The following C3orf20 variants were observed in gnomAD, a reference collection of about 807,000 sequenced individuals.
C3orf20 encodes the protein uncharacterized protein C3orf20.
Under a neutral mutation model 88.3 loss-of-function variants are expected in C3orf20, and 76 were observed. The ratio of observed to expected loss-of-function variants is 0.86; its 90% CI spans 0.72 to 1.04. C3orf20 has a LOEUF of 1.04. C3orf20 is among the 50% of genes least tolerant of loss of function. The pLI is 0.00. For missense variants in C3orf20, 1,056 were observed against 1,123.3 expected, an observed-to-expected ratio of 0.94 and a Z score of 0.86; for synonymous variants, 436 against 437.4, an observed-to-expected ratio of 1.00 and a Z score of 0.04.
rs76393242 is a variant in C3orf20 at position 14,772,647 on chromosome 3, C to T, written c.2631-144C>T. ...CATGTAGAAAGGTCGCAGGTGCCAC[C>T]GGGGCCCTCTGGTTGGAACAGCACC... is the stretch of plus-strand genomic sequence containing the variant. On this transcript the variant is annotated intron_variant, in intron 16 of 16. Transcript: ENST00000253697. This position sits in a 1 kb window ranked among gnomAD's most constrained non-coding sequence, Gnocchi z 4.2. The T allele has an allele frequency of 1.1e-3, 725 of 639,828 alleles. 6 individuals carry two copies. The African/African-American group carries it at 0.012, about 11-fold the overall frequency. The allele number at this position is 639,828 out of a possible 1,614,324, so 39.6% of individuals were successfully genotyped here.
rs1429363608 is a variant in C3orf20, at chr3:14,721,684, G to A, written c.1466G>A (p.Gly489Glu). 2 of 1,614,032 alleles carry A rather than the reference G, an allele frequency of 1.2e-6. No individual in the cohort carries two copies. The highest frequency in any genetic ancestry group is 1.7e-5 in the Admixed American group (1 of 60,012). ...VNEEMKLKVLGQDSITVTFTS... is the reference protein window; with the variant it reads ...VNEEMKLKVLEQDSITVTFTS... ...GAGGAAATGAAACTAAAGGTACTGG[G>A]ACAGGACTCCATCACAGTCACCTTC... is the stretch of plus-strand genomic sequence containing the variant. The change falls in exon 10 of 17, where the codon GGA becomes GAA. Residue 489 changes from glycine (G) to glutamate (E), a missense_variant. Transcript: ENST00000253697.
In C3orf20 at chr3:14,721,752, A is replaced by G. The variant is rs2034171346; in HGVS notation, c.1534A>G (p.Asn512Asp). 2 of 1,614,202 alleles carry G rather than the reference A, an allele frequency of 1.2e-6. No individual in the cohort carries two copies. Among genetic ancestry groups the G allele is most frequent in the Non-Finnish European group, 1.7e-6 (2 of 1,180,028 alleles). ...ETVTLTVSAN[N>D]CPHGMAYDKR... is the part of the protein sequence containing the mutation. ...AGTAACACTCACTGTGTCGGCCAAC[A>G]ATTGTCCCCATGGAATGGCATATGA... Residue 512 changes from asparagine to aspartate, a missense_variant, in exon 10 of 17, where the codon AAT becomes GAT. By Grantham distance (23) the Asn-to-Asp change is conservative. Coordinates refer to ENST00000253697, the MANE Select transcript of C3orf20 (RefSeq NM_032137.5).
chr3:14,721,095 C>T (rs2034143767), intron 9 of C3orf20, among the ~76,000 whole-genome samples: 2 of 151,974 alleles, frequency 1.3e-5, no homozygotes, highest in Admixed American at 1.3e-4. Flanking sequence ...CCATCTTTGG[C>T]TCCTCCTCAG....
intron 12 of C3orf20, among the ~76,000 whole-genome samples, chr3:14,746,359 C>T (rs910325963): frequency 6.6e-6 from 1 of 152,150 alleles, no homozygotes; most frequent in African/African-American, 2.4e-5. Flanking sequence ...TTCACTTAAG[C>T]TGCTACTAGG....
intron 12 of C3orf20, among the ~76,000 whole-genome samples, chr3:14,744,789 C>T (rs373336761): frequency 3.3e-5 from 5 of 151,880 alleles, no homozygotes; most frequent in African/African-American, 9.7e-5. Flanking sequence ...TTCACTGTCA[C>T]GAGAATAGCA....
At chr3:14,702,084 C>T (rs2033288617) in intron 5 of C3orf20, among the ~76,000 whole-genome samples, 1 of 152,134 alleles carries the variant, frequency 6.6e-6, no homozygotes, top group South Asian at 2.1e-4. Flanking sequence ...CTGATAAAGA[C>T]ACATCCAAGA....
chr3:14,682,776 A>G lies in C3orf20; in HGVS notation c.63A>G (p.Leu21=), dbSNP rs1012201764. ...YQQYTAMAPK[L]LARISKLLMI... is the part of the protein sequence containing the mutation. ...AATACACAGCCATGGCCCCCAAGCT[A>G]CTGGCCCGCATCTCCAAACTCCTCA... Residue 21 remains leucine, a synonymous_variant, in exon 3 of 17, where the codon CTA becomes CTG. Coordinates refer to ENST00000253697, the MANE Select transcript of C3orf20 (RefSeq NM_032137.5). 23 of 1,614,152 alleles carry G rather than the reference A, an allele frequency of 1.4e-5. No individual in the cohort carries two copies. Among genetic ancestry groups the G allele is most frequent in the Non-Finnish European group, 1.9e-5 (23 of 1,180,022 alleles).
At chr3:14,727,136 A>T (rs2034380103) in intron 11 of C3orf20, 112 bp downstream of exon 11, 1 of 1,234,688 alleles carries the variant, frequency 8.1e-7, no homozygotes, top group East Asian at 2.3e-5. Context: ...TTCCATCTTC[A>T]GTCTGAATGT....
chr3:14,741,162 T>G (rs913439536), intron 12 of C3orf20, among the ~76,000 whole-genome samples: 3 of 152,194 alleles, frequency 2.0e-5, no homozygotes, highest in Non-Finnish European at 1.5e-5. Context: ...CAAACAAGGA[T>G]TGAAACTGTG....
rs2035897287 is a variant in C3orf20, at chr3:14,772,785, CT to C, written c.2631-3del. ...CCGCCTCCCGGCCCTCTATTTTGAT[CT>C]TTAGGACAAGAGAGCCTGAAGTGGA... On this transcript the variant is annotated splice_region_variant and splice_polypyrimidine_tract_variant and intron_variant, in intron 16 of 16. Transcript: ENST00000253697. The surrounding 1 kb of genome is among the most constrained non-coding windows in gnomAD (Gnocchi z 4.2). The C allele has an allele frequency of 6.2e-7, 1 of 1,612,326 alleles. No individual in the cohort carries two copies. The highest frequency in any genetic ancestry group is 1.3e-5 in the African/African-American group (1 of 74,908).
rs564073287 is a variant in C3orf20, at chr3:14,766,764, C to A, written c.2495+5149C>A. ...AGGGCAGTTGGCCCTCTTAGCTCAG[C>A]CTGCCAGCACCCAGGATGCAGAGAG... On this transcript the variant is annotated intron_variant, in intron 15 of 16. Coordinates refer to ENST00000253697, the MANE Select transcript of C3orf20 (RefSeq NM_032137.5). Among the ~76,000 whole-genome samples the A allele has an allele frequency of 3.3e-5, 5 of 152,334 alleles. No homozygotes were observed. The South Asian group carries it at 1.0e-3, about 32-fold the overall frequency.
chr3:14,741,545 T>A (rs1385808568), intron 12 of C3orf20, among the ~76,000 whole-genome samples: 1 of 152,222 alleles, frequency 6.6e-6, no homozygotes, highest in Non-Finnish European at 1.5e-5. Flanking sequence ...ACTTTCTGTG[T>A]TTTCTGAGAA....
intron 10 of C3orf20, among the ~76,000 whole-genome samples, chr3:14,726,662 A>C (rs751179194): frequency 1.1e-4 from 17 of 152,188 alleles, no homozygotes; most frequent in Non-Finnish European, 2.4e-4. Flanking sequence ...GTTCAAAGCA[A>C]GAAGCAGTTC....
chr3:14,676,143 C>T (rs1213726267), intron 1 of C3orf20, among the ~76,000 whole-genome samples: 4 of 127,872 alleles, frequency 3.1e-5, no homozygotes, highest in Non-Finnish European at 4.9e-5. Flanking sequence ...TTATTCCCTG[C>T]GGTTGAACAG....
At position 14,682,939 on chromosome 3, in the gene C3orf20, C is replaced by A. The variant is rs2032177669; in HGVS notation, c.226C>A (p.Pro76Thr). The A allele has an allele frequency of 1.9e-6, 3 of 1,614,164 alleles. No individual in the cohort carries two copies. In the East Asian group the frequency reaches 6.7e-5, roughly 36 times the overall value. Residue 76 changes from proline to threonine, a missense_variant, in exon 3 of 17, where the codon CCC (proline) becomes ACC (threonine). By Grantham distance (38) the Pro-to-Thr change is conservative. Coordinates refer to ENST00000253697, the MANE Select transcript of C3orf20 (RefSeq NM_032137.5). The part of the protein sequence containing the change: ...ILGLEVSFGA[P>T]LVVLMEPTFV... ...GGGCCTGGAGGTCAGCTTTGGAGCC[C>A]CCCTGGTGGTGCTCATGGAACCCAC... is the stretch of plus-strand genomic sequence containing the variant.
In C3orf20 at chr3:14,704,423, T is replaced by A; in HGVS notation, c.965T>A (p.Leu322Gln). 6.2e-7 allele frequency: 1 copy of A among 1,614,168 alleles called. No homozygotes were observed. Among genetic ancestry groups the A allele is most frequent in the Non-Finnish European group, 8.5e-7 (1 of 1,180,026 alleles). Residue 322 changes from leucine to glutamine, a missense_variant, in exon 7 of 17, where the codon CTA becomes CAA. Leu to Gln is a moderately radical substitution (Grantham distance 113). Transcript: ENST00000253697. ...TACAAGGCAAAGATGCCCTCTCATC[T>A]AATGTTGGCCCGCAAAGGAGACTCT... ...RNYKAKMPSH[L>Q]MLARKGDSQT...
At position 14,698,096 on chromosome 3, in the gene C3orf20, A is replaced by G. The variant is rs148326103; in HGVS notation, c.746-5034A>G. Among the ~76,000 whole-genome samples the G allele has an allele frequency of 5.5e-3, 843 of 152,322 alleles. 2 individuals are homozygous for G. Among genetic ancestry groups the G allele is most frequent in the African/African-American group, 0.019 (789 of 41,578 alleles). Reference sequence around the variant, plus strand: ...CCCAGTAATGGGATTGCTGGGTCAAATGGTAATTCTAGTTGTAGATCCTTG... The same window carrying G: ...CCCAGTAATGGGATTGCTGGGTCAAGTGGTAATTCTAGTTGTAGATCCTTG... On this transcript the variant is annotated intron_variant, in intron 5 of 16. Coordinates refer to ENST00000253697, the MANE Select transcript of C3orf20 (RefSeq NM_032137.5).
chr3:14,702,440 C>CTTTTTTTT (rs34341509), intron 5 of C3orf20, among the ~76,000 whole-genome samples: 1 of 116,584 alleles, frequency 8.6e-6, no homozygotes. Context: ...CCTCACATAT[C>CTTTTTTTT]TTTTTTTTTT....
In C3orf20 at chr3:14,757,368, C is replaced by T. The variant is rs1485799516; in HGVS notation, c.1941-3C>T. 1 of 1,609,610 alleles carries T rather than the reference C, an allele frequency of 6.2e-7. No individual in the cohort carries two copies. Among genetic ancestry groups the T allele is most frequent in the Non-Finnish European group, 8.5e-7 (1 of 1,178,634 alleles). On this transcript the variant is annotated splice_region_variant and splice_polypyrimidine_tract_variant and intron_variant, in intron 12 of 16. Coordinates refer to ENST00000253697, the MANE Select transcript of C3orf20 (RefSeq NM_032137.5). ...TCCCTGTGCACTGTGCTCCTCCTTG[C>T]AGAGGGAAGGCCCGCGAGGGGCGCA...
Sources: allele counts gnomAD v4.1 joint callset (sites outside exome capture counted in the v4.1 genomes callset), GRCh38; gene constraint gnomAD v4.1.1; non-coding constraint Gnocchi (gnomAD v3.1); transcripts MANE v1.5; gene names NCBI Gene and HGNC (gene_info 2026-07-23, HGNC 2026-07-21).